Variants in GABRB1 observed in about 807,000 individuals in gnomAD.
The protein encoded by GABRB1 is gamma-aminobutyric acid type A receptor subunit beta1.
A neutral mutation model predicts 51.6 loss-of-function variants in GABRB1; 17 were observed. The observed-to-expected ratio is 0.33, with a 90% CI of 0.23 to 0.49. The LOEUF (loss-of-function observed/expected upper bound fraction) is 0.49. GABRB1 is among the 20% of genes least tolerant of loss of function. GABRB1 has a pLI of 0.99. For synonymous variants in GABRB1, 247 were observed against 218.9 expected (o/e 1.13, Z -1.14); for missense variants, 410 against 600.6 (o/e 0.68, Z 3.32).
chr4:47,201,053 A>G (rs987503369), intron 4 of GABRB1, among the ~76,000 whole-genome samples: 1 of 152,206 alleles, frequency 6.6e-6, no homozygotes, highest in Non-Finnish European at 1.5e-5. Context: ...TTTGATGACT[A>G]TACATCCATG....
At chr4:47,114,430 A>G (rs1322474301) in intron 3 of GABRB1, among the ~76,000 whole-genome samples, 1 of 152,130 alleles carries the variant, frequency 6.6e-6, no homozygotes. Flanking sequence ...AGTATCAATA[A>G]ACCAGTGTGT....
Position 47,031,774 on chromosome 4 carries a change from C to CTT in GABRB1, c.80+49_80+50dup, listed in dbSNP as rs750157260. Reference sequence around the variant, plus strand: ...AATCTCGCTCTCTCTCTCTCTCTCTCTTTTTTTCTTGGTATGTTTCTTTTT... The same window carrying CTT: ...AATCTCGCTCTCTCTCTCTCTCTCTCTTTTTTTTTCTTGGTATGTTTCTTTTT... On this transcript the variant is annotated intron_variant, in intron 1 of 8. Coordinates refer to ENST00000295454, the MANE Select transcript of GABRB1 (RefSeq NM_000812.4). The CTT allele has an allele frequency of 4.9e-6, 7 of 1,430,788 alleles. No individual in the cohort carries two copies. The Admixed American group carries it at 1.0e-4, about 21-fold the overall frequency. 88.6% of individuals were successfully genotyped at this position (1,430,788 alleles called of 1,614,324 possible).
chr4:47,214,415 A>G (rs1319188109), intron 4 of GABRB1, among the ~76,000 whole-genome samples: 1 of 152,002 alleles, frequency 6.6e-6, no homozygotes, highest in Non-Finnish European at 1.5e-5. Flanking sequence ...CCCTACTTAC[A>G]TGCAAATTAC....
At chr4:47,063,375 C>A (rs550672669) in intron 3 of GABRB1, among the ~76,000 whole-genome samples, 1 of 152,112 alleles carries the variant, frequency 6.6e-6, no homozygotes, top group Admixed American at 6.5e-5. Flanking sequence ...CTGAAAATCA[C>A]CATAACATAA....
At chr4:47,135,050 T>G (rs1043167917) in intron 3 of GABRB1, among the ~76,000 whole-genome samples, 1 of 151,904 alleles carries the variant, frequency 6.6e-6, no homozygotes. Context: ...AGTTCAGGAG[T>G]TCAAGGCTGC....
chr4:47,191,322 T>C (rs534257383), intron 4 of GABRB1, among the ~76,000 whole-genome samples: 45 of 152,264 alleles, frequency 3.0e-4, no homozygotes, highest in Admixed American at 8.5e-4. Flanking sequence ...AGTTTATTTC[T>C]TATTTTTCAG....
chr4:47,309,122 G>A (rs909200264), intron 4 of GABRB1, among the ~76,000 whole-genome samples: 1 of 152,078 alleles, frequency 6.6e-6, no homozygotes, highest in Non-Finnish European at 1.5e-5. Flanking sequence ...AGACATATGT[G>A]TATAATGATA....
chr4:47,078,726 C>T (rs185301687), intron 3 of GABRB1, among the ~76,000 whole-genome samples: 135 of 152,290 alleles, frequency 8.9e-4, no homozygotes, highest in Admixed American at 8.6e-3. Context: ...ATCTCTGGGT[C>T]CTGGTTCTTG....
chr4:46,995,975 T>C (rs1428257106), intron 1 of GABRB1, among the ~76,000 whole-genome samples: 2 of 152,074 alleles, frequency 1.3e-5, no homozygotes, highest in African/African-American at 2.4e-5. Context: ...TATTTCACAG[T>C]CTTTTATTTA....
chr4:47,342,656 G>A (rs1725945804), intron 5 of GABRB1, among the ~76,000 whole-genome samples: 1 of 152,260 alleles, frequency 6.6e-6, no homozygotes, highest in Non-Finnish European at 1.5e-5. Flanking sequence ...CTAATGAGGT[G>A]TGAGGAATAG....
At chr4:47,215,090 G>A (rs1486067735) in intron 4 of GABRB1, among the ~76,000 whole-genome samples, 4 of 152,098 alleles carry the variant, frequency 2.6e-5, no homozygotes, top group Non-Finnish European at 5.9e-5. Flanking sequence ...AACCAAAAGT[G>A]TCATGGTGGG....
At chr4:47,062,444 C>CATATAT (rs67644869) in intron 3 of GABRB1, among the ~76,000 whole-genome samples, 5 of 148,110 alleles carry the variant, frequency 3.4e-5, no homozygotes, top group African/African-American at 4.9e-5. Context: ...TATATATTTT[C>CATATAT]ATATATATAT....
chr4:47,144,302 T>C (rs1188810074), intron 3 of GABRB1, among the ~76,000 whole-genome samples: 8 of 152,024 alleles, frequency 5.3e-5, no homozygotes, highest in Non-Finnish European at 1.2e-4. Context: ...ATTTATTCCC[T>C]CTGAGTTTTG....
intron 4 of GABRB1, among the ~76,000 whole-genome samples, chr4:47,206,033 T>G (rs1266128576): frequency 6.6e-6 from 1 of 151,530 alleles, no homozygotes; most frequent in Admixed American, 6.6e-5. Flanking sequence ...ACACTTCCCG[T>G]TTGAGCCATA....
At chr4:47,001,373 A>C (rs1464610598) in intron 1 of GABRB1, among the ~76,000 whole-genome samples, 10 of 152,068 alleles carry the variant, frequency 6.6e-5, no homozygotes, top group Admixed American at 6.5e-5. Context: ...GAATCTCCTG[A>C]CCTCGTGATT....
At chr4:47,330,761 C>T (rs1455629122) in intron 5 of GABRB1, among the ~76,000 whole-genome samples, 1 of 152,028 alleles carries the variant, frequency 6.6e-6, no homozygotes, top group Non-Finnish European at 1.5e-5. Context: ...CTTTCTGTGC[C>T]TATCTCAAAT....
chr4:47,246,464 T>C (rs1721765981), intron 4 of GABRB1, among the ~76,000 whole-genome samples: 1 of 144,062 alleles, frequency 6.9e-6, no homozygotes, highest in East Asian at 2.1e-4. Context: ...TATTTTGCAA[T>C]TGTGAATTGT....
intron 3 of GABRB1, among the ~76,000 whole-genome samples, chr4:47,051,807 A>C (rs1400900593): frequency 6.6e-6 from 1 of 152,208 alleles, no homozygotes; most frequent in Non-Finnish European, 1.5e-5. Context: ...AGTCTCAAAG[A>C]AAGTCAGCCG....
chr4:47,107,249 A>C (rs895991952), intron 3 of GABRB1, among the ~76,000 whole-genome samples: 2 of 152,012 alleles, frequency 1.3e-5, no homozygotes, highest in Non-Finnish European at 2.9e-5. Context: ...CACTACCATC[A>C]ATATTAAGTG....
Sources: gnomAD v4.1 joint callset for allele counts (sites outside exome capture counted in the v4.1 genomes callset) on GRCh38, gnomAD v4.1.1 for gene constraint, MANE v1.5 for transcripts, NCBI Gene and HGNC (gene_info 2026-07-23, HGNC 2026-07-21) for gene names.